Variants in CTTNBP2 observed in about 807,000 individuals in gnomAD.
CTTNBP2 encodes the protein cortactin binding protein 2, also known as cortactin-binding protein 2.
Under a neutral mutation model 156.9 loss-of-function variants are expected in CTTNBP2, and 108 were observed. That is an observed-to-expected ratio of 0.69 (90% CI 0.59 to 0.81). CTTNBP2 has a LOEUF of 0.81. CTTNBP2 is among the 30% of genes least tolerant of loss of function. The pLI, the probability that CTTNBP2 is intolerant of heterozygous loss-of-function variation, is 0.00. For synonymous variants in CTTNBP2, 767 were observed against 751.8 expected (o/e 1.02, Z -0.33); for missense variants, 1,924 against 2,035.4 (o/e 0.95, Z 1.05).
At chr7:117,855,397 G>C (rs1240072858) in intron 2 of CTTNBP2, among the ~76,000 whole-genome samples, 3 of 152,208 alleles carry the variant, frequency 2.0e-5, no homozygotes, top group African/African-American at 4.8e-5. Context: ...ACAGGTGTGA[G>C]CTGCCACGCC....
At chr7:117,811,590 C>A (rs1800283446) in intron 2 of CTTNBP2, among the ~76,000 whole-genome samples, 1 of 152,112 alleles carries the variant, frequency 6.6e-6, no homozygotes, top group East Asian at 1.9e-4. Flanking sequence ...CATGCCCCAC[C>A]TAGTCTTTTC....
intron 9 of CTTNBP2, among the ~76,000 whole-genome samples, chr7:117,762,819 C>T (rs1298033290): frequency 6.6e-6 from 1 of 152,234 alleles, no homozygotes; most frequent in African/African-American, 2.4e-5. Flanking sequence ...ACTGAAATGG[C>T]TACTGCTCTG....
chr7:117,825,104 G>A (rs982637341), intron 2 of CTTNBP2, among the ~76,000 whole-genome samples: 1 of 152,168 alleles, frequency 6.6e-6, no homozygotes, highest in Non-Finnish European at 1.5e-5. Context: ...TCGGTGGGTA[G>A]ACTGGTACAA....
chr7:117,735,685 A>G (rs540122622), intron 14 of CTTNBP2, among the ~76,000 whole-genome samples: 120 of 152,374 alleles, frequency 7.9e-4, no homozygotes, highest in African/African-American at 2.9e-3. Flanking sequence ...ACAATAGAAT[A>G]AATGAATAAA....
chr7:117,792,102 A>C lies in CTTNBP2; in HGVS notation c.1094T>G (p.Leu365Trp), dbSNP rs1219645758. 2 of 1,614,016 alleles carry C rather than the reference A, an allele frequency of 1.2e-6. No homozygotes were observed. Among genetic ancestry groups the C allele is most frequent in the Non-Finnish European group, 1.7e-6 (2 of 1,180,034 alleles). Residue 365 changes from leucine (L) to tryptophan (W), a missense_variant, in exon 4 of 23, where the codon TTG (leucine) becomes TGG (tryptophan). Physicochemically the swap from Leu to Trp is moderately conservative, Grantham distance 61 (BLOSUM62 -2). Coordinates refer to ENST00000160373, the MANE Select transcript of CTTNBP2 (RefSeq NM_033427.3). The surrounding 1 kb of genome is among the most constrained non-coding windows in gnomAD (Gnocchi z 4.2). Reference protein sequence around the residue: ...GIDRQASYGDLIGASVPAFPP... With the variant: ...GIDRQASYGDWIGASVPAFPP... ...GAAAGCGGGTACAGAAGCGCCAATCAAGTCACCATAGGAAGCCTGCCTGTC... is the reference window on the plus strand; with the variant it reads ...GAAAGCGGGTACAGAAGCGCCAATCCAGTCACCATAGGAAGCCTGCCTGTC...
At chr7:117,787,838 G>C (rs1798786444) in intron 4 of CTTNBP2, among the ~76,000 whole-genome samples, 1 of 152,126 alleles carries the variant, frequency 6.6e-6, no homozygotes, top group Non-Finnish European at 1.5e-5. Flanking sequence ...AATTTTTATA[G>C]ATAAAAGCTT....
intron 3 of CTTNBP2, among the ~76,000 whole-genome samples, chr7:117,801,901 T>A (rs1205238531): frequency 2.0e-5 from 3 of 151,748 alleles, no homozygotes; most frequent in South Asian, 2.1e-4. Context: ...TTTTTTATTT[T>A]TTTTATTTTT....
At chr7:117,840,156 C>T (rs887864266) in intron 2 of CTTNBP2, among the ~76,000 whole-genome samples, 1 of 152,114 alleles carries the variant, frequency 6.6e-6, no homozygotes, top group Non-Finnish European at 1.5e-5. Flanking sequence ...CTGAGCATCA[C>T]AGTTTTAATG....
At chr7:117,772,292 G>A (rs552626912) in intron 8 of CTTNBP2, among the ~76,000 whole-genome samples, 2 of 152,334 alleles carry the variant, frequency 1.3e-5, no homozygotes, top group African/African-American at 4.8e-5. Context: ...CAAGACTATG[G>A]AGGAGGCAAG....
chr7:117,755,511 G>T (rs1332561275), intron 12 of CTTNBP2: 6 of 469,238 alleles, frequency 1.3e-5, no homozygotes, highest in Non-Finnish European at 2.6e-5. Context: ...GCACAATCCT[G>T]GCTTCATCAC....
intron 1 of CTTNBP2, among the ~76,000 whole-genome samples, chr7:117,862,708 A>T (rs1041786815): frequency 1.3e-5 from 2 of 152,224 alleles, no homozygotes; most frequent in African/African-American, 4.8e-5. Flanking sequence ...CGCCCTCAGA[A>T]GCCATTGTTC....
At chr7:117,817,333 CAAAAAA>C (rs1165563266) in intron 2 of CTTNBP2, among the ~76,000 whole-genome samples, 16 of 27,208 alleles carry the variant, frequency 5.9e-4, no homozygotes, top group Admixed American at 2.1e-3. Flanking sequence ...GACTCCATCT[CAAAAAA>C]AAAAAAAAAA....
chr7:117,864,088 C>T (rs1408641363), intron 1 of CTTNBP2, among the ~76,000 whole-genome samples: 2 of 152,134 alleles, frequency 1.3e-5, no homozygotes, highest in Non-Finnish European at 2.9e-5. Context: ...GATCCTGATT[C>T]ATATTAGAGT....
chr7:117,858,672 A>G (rs1803498752), intron 2 of CTTNBP2, among the ~76,000 whole-genome samples: 1 of 152,240 alleles, frequency 6.6e-6, no homozygotes, highest in African/African-American at 2.4e-5. Flanking sequence ...TCCTTTCCAC[A>G]TATCCAGGAA....
At chr7:117,763,724 C>A (rs1797332724) in intron 9 of CTTNBP2, among the ~76,000 whole-genome samples, 1 of 151,718 alleles carries the variant, frequency 6.6e-6, no homozygotes, top group African/African-American at 2.4e-5. Flanking sequence ...CACGTGTCAC[C>A]ATGCCTGGCA....
At chr7:117,719,243 CTT>C (rs1794642201) in intron 21 of CTTNBP2, among the ~76,000 whole-genome samples, 1 of 152,136 alleles carries the variant, frequency 6.6e-6, no homozygotes, top group Non-Finnish European at 1.5e-5. Context: ...ATTGATGTGA[CTT>C]GTACTAATGC....
intron 7 of CTTNBP2, among the ~76,000 whole-genome samples, chr7:117,778,314 G>A: frequency 6.6e-6 from 1 of 152,116 alleles, no homozygotes; most frequent in East Asian, 1.9e-4. Flanking sequence ...TTCAGTGAAG[G>A]TTTATGGGCC....
chr7:117,823,511 T>G (rs1013876559), intron 2 of CTTNBP2, among the ~76,000 whole-genome samples: 5 of 152,256 alleles, frequency 3.3e-5, no homozygotes, highest in African/African-American at 1.2e-4. Flanking sequence ...TCTTTGTATT[T>G]ATTTTATCTT....
At chr7:117,719,454 TCCCAGCTGTTGAGTAGAGCCATTCAATGC>T (rs1406830294) in intron 21 of CTTNBP2, 21 bp downstream of exon 21, 2 of 1,533,548 alleles carry the variant, frequency 1.3e-6, no homozygotes, top group Non-Finnish European at 1.8e-6. Context: ...CCCAAAAGTC[TCCCAGCTGTTGAGTAGAGCCATTCAATGC>T]CCCCCATTTG....
Sources: allele counts gnomAD v4.1 joint callset (sites outside exome capture counted in the v4.1 genomes callset), GRCh38; gene constraint gnomAD v4.1.1; non-coding constraint Gnocchi (gnomAD v3.1); transcripts MANE v1.5; gene names NCBI Gene and HGNC (gene_info 2026-07-23, HGNC 2026-07-21).